HAS2: variants seen among roughly 807,000 people sequenced by gnomAD.
HAS2 encodes the protein HA synthase 2.
In HAS2, 16 loss-of-function variants were observed where a neutral mutation model predicts 51.6. The observed-to-expected ratio is 0.31, with a 90% CI of 0.21 to 0.47. HAS2 has a LOEUF of 0.47. Among genes scored for constraint, HAS2 ranks in the 20% least tolerant of loss-of-function variants. The pLI is 1.00. For synonymous variants in HAS2, 228 were observed against 235.5 expected, an observed-to-expected ratio of 0.97 and a Z score of 0.29; for missense variants, 361 against 662.6, an observed-to-expected ratio of 0.54 and a Z score of 5.00.
rs773220335 is a variant in HAS2, at chr8:121,614,475, G to A, written c.1293C>T (p.Ile431=). 6.2e-7 allele frequency: 1 copy of A among 1,613,646 alleles called. No homozygotes were observed. Among genetic ancestry groups the A allele is most frequent in the Non-Finnish European group, 8.5e-7 (1 of 1,179,568 alleles). ...SSFASCLRGN[I]VMVFMSLYSV... is the part of the protein sequence containing the mutation. ...AGTAGAGAGACATGAAGACCATGAC[G>A]ATATTTCCTCTAAGGCAGCTGGCAA... Residue 431 remains isoleucine (I), a synonymous_variant, in exon 4 of 4, where the codon ATC becomes ATT. Transcript: ENST00000303924. The surrounding 1 kb of genome is among the most constrained non-coding windows in gnomAD (Gnocchi z 7.2).
At position 121,615,996 on chromosome 8, in the gene HAS2, T is replaced by G. The variant is rs1392166203; in HGVS notation, c.730-958A>C. 2.6e-5 allele frequency among the ~76,000 whole-genome samples: 4 copies of G among 152,228 alleles called. No individual in the cohort carries two copies. The East Asian group carries it at 7.7e-4, about 29-fold the overall frequency. ...ATTTCTTTGTCCCTTCTAATGTAATTTCTTTGCTTTTGCTATCAAACTACA... is the reference window on the plus strand; with the variant it reads ...ATTTCTTTGTCCCTTCTAATGTAATGTCTTTGCTTTTGCTATCAAACTACA... On this transcript the variant is annotated intron_variant, in intron 3 of 3. Transcript: ENST00000303924.
intron 1 of HAS2, among the ~76,000 whole-genome samples, chr8:121,630,505 C>G (rs1812915275): frequency 6.6e-6 from 1 of 152,078 alleles, no homozygotes; most frequent in Admixed American, 6.5e-5. Flanking sequence ...TTCTTTCCTC[C>G]TGGAGTTTTA....
intron 3 of HAS2, among the ~76,000 whole-genome samples, chr8:121,615,605 G>A (rs1298907860): frequency 6.6e-6 from 1 of 151,908 alleles, no homozygotes; most frequent in Non-Finnish European, 1.5e-5. Context: ...TTACAGGCGT[G>A]ACCCACTGCG....
At chr8:121,639,897 T>G (rs891958015) in intron 1 of HAS2, 1 of 151,046 alleles carries the variant, frequency 6.6e-6, no homozygotes, top group African/African-American at 2.4e-5. Flanking sequence ...CCTCGCCCCG[T>G]TCATCGGCTG....
intron 3 of HAS2, among the ~76,000 whole-genome samples, chr8:121,615,534 A>G (rs1038808214): frequency 1.3e-5 from 2 of 152,086 alleles, no homozygotes; most frequent in Non-Finnish European, 2.9e-5. Context: ...CATTTTGGCC[A>G]GGCTGGTCTT....
intron 2 of HAS2, among the ~76,000 whole-genome samples, chr8:121,622,142 G>C (rs1236318798): frequency 6.6e-6 from 1 of 151,812 alleles, no homozygotes; most frequent in Non-Finnish European, 1.5e-5. Context: ...TAACCCAAAA[G>C]TAAATAGAAA....
rs1812652569 is a variant in HAS2, at chr8:121,612,654, AAT to A, written c.*1453_*1454del. 6.6e-6 allele frequency: 1 copy of A among 152,160 alleles called. No individual in the cohort carries two copies. Among genetic ancestry groups the A allele is most frequent in the Non-Finnish European group, 1.5e-5 (1 of 68,020 alleles). The allele number at this position is 152,160 out of a possible 1,614,324, so 9.4% of individuals were successfully genotyped here. On this transcript the variant is annotated 3_prime_UTR_variant, in exon 4 of 4. Transcript: ENST00000303924. The stretch of plus-strand genomic sequence containing the variant: ...GATAATGGAGGCCTTGCAGTAACTA[AAT>A]TAGCCAAGTTCAGAGTATGTGGTTC...
chr8:121,628,228 G>GA (rs1188546964), intron 2 of HAS2, among the ~76,000 whole-genome samples: 13 of 149,788 alleles, frequency 8.7e-5, no homozygotes, highest in Admixed American at 1.3e-4. Context: ...TCTTTTAAAT[G>GA]AAAATTGTTC....
At chr8:121,635,432 C>A (rs941279046) in intron 1 of HAS2, among the ~76,000 whole-genome samples, 70 of 152,280 alleles carry the variant, frequency 4.6e-4, no homozygotes, top group African/African-American at 1.6e-3. Context: ...ATAACCCTGA[C>A]TCTCCTTCCA....
rs1813091443 is a variant in HAS2 at position 121,641,129 on chromosome 8, AAATT to A, written c.-281_-278del. The A allele has an allele frequency of 1.3e-5, 2 of 149,628 alleles. No homozygotes were observed. Among genetic ancestry groups the A allele is most frequent in the Admixed American group, 6.7e-5 (1 of 14,996 alleles). 9.3% of individuals were successfully genotyped at this position (149,628 alleles called of 1,614,324 possible). A position where few individuals can be genotyped will look rare whatever the true frequency, so the allele number is the denominator to read the frequency against. ...CTTAAAAAAATTATGCTTTAAAAAT[AAATT>A]AACTTTTCTTTTTTCTTTTCTTTTC... On this transcript the variant is annotated 5_prime_UTR_variant, in exon 1 of 4. Coordinates refer to ENST00000303924, the MANE Select transcript of HAS2 (RefSeq NM_005328.3).
In HAS2 at chr8:121,632,285, T is replaced by C. The variant is rs572855387; in HGVS notation, c.1-2945A>G. On this transcript the variant is annotated intron_variant, in intron 1 of 3. Transcript: ENST00000303924. The stretch of plus-strand genomic sequence containing the variant: ...GGCAATTGCATTGATATGGGCACCA[T>C]GTGTTAGACTTTCTGAGACAATCCC... Among the ~76,000 whole-genome samples, 132 of 152,296 alleles carry C rather than the reference T, an allele frequency of 8.7e-4. 2 individuals carry two copies. In the South Asian group the frequency reaches 0.027, roughly 31 times the overall value.
intron 2 of HAS2, among the ~76,000 whole-genome samples, chr8:121,621,591 C>T (rs1248651232): frequency 6.6e-6 from 1 of 152,158 alleles, no homozygotes; most frequent in Non-Finnish European, 1.5e-5. Context: ...TCAGTAGCAA[C>T]AATCACTAAT....
At chr8:121,617,036 G>A in intron 3 of HAS2, 69 bp downstream of exon 3, 2 of 844,802 alleles carry the variant, frequency 2.4e-6, no homozygotes, top group Non-Finnish European at 4.0e-6. Flanking sequence ...TGTTCAATGA[G>A]TCAATGAGTA....
rs1812677249 is a variant in HAS2, at chr8:121,614,544, G to A, written c.1224C>T (p.Leu408=). ...FYRGKIWNIL[L]FLLTVQLVGL... is the part of the protein sequence containing the mutation. ...CTACTAGCTGGACAGTTAACAAGAA[G>A]AGGAGAATGTTCCAAATTTTACCCC... The change falls in exon 4 of 4, where the codon CTC becomes CTT. Residue 408 remains leucine, a synonymous_variant. Transcript: ENST00000303924. The surrounding 1 kb of genome is among the most constrained non-coding windows in gnomAD (Gnocchi z 7.2). 6.2e-7 allele frequency: 1 copy of A among 1,614,050 alleles called. No individual in the cohort carries two copies. The highest frequency in any genetic ancestry group is 1.1e-5 in the South Asian group (1 of 91,092).
At chr8:121,629,403 A>G (rs1043691814) in intron 1 of HAS2, 63 bp from the exon 2 acceptor site, 3 of 1,279,036 alleles carry the variant, frequency 2.3e-6, no homozygotes, top group African/African-American at 1.5e-5. Context: ...TTATATACCT[A>G]GTATCATGGG....
chr8:121,620,446 A>C (rs767332643), intron 2 of HAS2, among the ~76,000 whole-genome samples: 4 of 152,248 alleles, frequency 2.6e-5, no homozygotes, highest in African/African-American at 7.2e-5. Context: ...ATAAGGAAAA[A>C]GTACAGGACA....
chr8:121,621,439 A>C (rs1193883656), intron 2 of HAS2, among the ~76,000 whole-genome samples: 1 of 152,208 alleles, frequency 6.6e-6, no homozygotes, highest in East Asian at 1.9e-4. Flanking sequence ...TTTGTGAGAC[A>C]CTGCAAATAA....
chr8:121,625,465 T>C (rs1299545388), intron 2 of HAS2, among the ~76,000 whole-genome samples: 1 of 151,974 alleles, frequency 6.6e-6, no homozygotes, highest in Non-Finnish European at 1.5e-5. Flanking sequence ...AATACATTGA[T>C]TCTGAATTTT....
At chr8:121,634,353 A>C (rs1331732742) in intron 1 of HAS2, among the ~76,000 whole-genome samples, 1 of 151,988 alleles carries the variant, frequency 6.6e-6, no homozygotes, top group Non-Finnish European at 1.5e-5. Flanking sequence ...ATTAGGTCTG[A>C]TGATACCTCT....
Sources: gnomAD v4.1 joint callset for allele counts (sites outside exome capture counted in the v4.1 genomes callset) on GRCh38, gnomAD v4.1.1 for gene constraint, Gnocchi (gnomAD v3.1) non-coding constraint, MANE v1.5 for transcripts, NCBI Gene and HGNC (gene_info 2026-07-23, HGNC 2026-07-21) for gene names.